The following CDC123 variants were observed in gnomAD, a reference collection of about 807,000 sequenced individuals.
CDC123 encodes the protein translation initiation factor eIF2 assembly protein.
Under a neutral mutation model 54.4 loss-of-function variants are expected in CDC123, and 37 were observed. The ratio of observed to expected loss-of-function variants is 0.68; its 90% CI spans 0.52 to 0.89. The LOEUF is 0.89. Ranked by LOEUF, CDC123 falls within the 40% of genes least tolerant of loss-of-function variation. The pLI is 0.00. For missense variants in CDC123, 361 were observed against 412.1 expected, an observed-to-expected ratio of 0.88 and a Z score of 1.07; for synonymous variants, 144 against 136.8, an observed-to-expected ratio of 1.05 and a Z score of -0.37.
intron 10 of CDC123, among the ~76,000 whole-genome samples, chr10:12,240,050 C>G (rs951254893): frequency 1.3e-5 from 2 of 150,676 alleles, no homozygotes; most frequent in African/African-American, 4.9e-5. Context: ...TTTTAGTCAA[C>G]TAAAAGTGAC....
At chr10:12,226,932 C>G (rs1254834350) in intron 6 of CDC123, among the ~76,000 whole-genome samples, 3 of 151,916 alleles carry the variant, frequency 2.0e-5, no homozygotes, top group East Asian at 3.9e-4. Context: ...TGTAGCGAGC[C>G]GAGATCACAC....
chr10:12,209,983 C>G lies in CDC123; in HGVS notation c.163C>G (p.His55Asp). ...TTTTTTTAGGGATGATCCACCAACACATTCTCAGCCAGACAGTGATGATGA... is the reference window on the plus strand; with the variant it reads ...TTTTTTTAGGGATGATCCACCAACAGATTCTCAGCCAGACAGTGATGATGA... ...VVSGRDDPPTHSQPDSDDEAE... is the reference protein window; with the variant it reads ...VVSGRDDPPTDSQPDSDDEAE... Residue 55 changes from histidine (H) to aspartate (D), a missense_variant, in exon 3 of 13, where the codon CAT becomes GAT. Coordinates refer to ENST00000281141, the MANE Select transcript of CDC123 (RefSeq NM_006023.3). The G allele has an allele frequency of 6.2e-7, 1 of 1,614,176 alleles. No individual in the cohort carries two copies. The highest frequency in any genetic ancestry group is 8.5e-7 in the Non-Finnish European group (1 of 1,180,008).
At chr10:12,210,134 C>T (rs1835577921) in intron 3 of CDC123, 110 bp downstream of exon 3, 37 of 1,442,506 alleles carry the variant, frequency 2.6e-5, no homozygotes, top group Non-Finnish European at 3.2e-5. Flanking sequence ...TGAGAAATTA[C>T]GTGAGAATCT....
chr10:12,226,500 C>T (rs1420107715), intron 6 of CDC123, among the ~76,000 whole-genome samples: 8 of 150,544 alleles, frequency 5.3e-5, no homozygotes, highest in South Asian at 2.1e-4. Context: ...ACTTCTCAGA[C>T]GGGGCGGCCG....
At chr10:12,243,665 T>TC (rs1238860726) in intron 10 of CDC123, among the ~76,000 whole-genome samples, 2 of 151,798 alleles carry the variant, frequency 1.3e-5, no homozygotes, top group Non-Finnish European at 2.9e-5. Context: ...ACGCCTGTAG[T>TC]CCCAGCTACT....
At chr10:12,246,454 T>C in intron 11 of CDC123, 177 bp downstream of exon 11, 1 of 595,346 alleles carries the variant, frequency 1.7e-6, no homozygotes, top group Non-Finnish European at 2.9e-6. Context: ...GGGGCCCCAC[T>C]TAACTTTATA....
At chr10:12,200,121 T>TTTTTTTTTTTTTTTTTTG in intron 2 of CDC123, among the ~76,000 whole-genome samples, 1 of 12,800 alleles carries the variant, frequency 7.8e-5, no homozygotes, top group Non-Finnish European at 1.9e-4. Flanking sequence ...GCACTCGGCA[T>TTTTTTTTTTTTTTTTTTG]TTTTTTTTTT....
At chr10:12,234,983 A>G in intron 7 of CDC123, 65 bp from the exon 8 acceptor site, 1 of 1,188,580 alleles carries the variant, frequency 8.4e-7, no homozygotes, top group Non-Finnish European at 1.2e-6. Flanking sequence ...GTGTTGACCT[A>G]AAATTGCCTA....
chr10:12,249,805 G>C (rs1275662281), intron 12 of CDC123, 87 bp downstream of exon 12: 6 of 1,478,022 alleles, frequency 4.1e-6, no homozygotes, highest in Non-Finnish European at 5.4e-6. Context: ...TTGGAATCCT[G>C]TATCACCTAG....
At chr10:12,229,203 A>G (rs1275588179) in intron 6 of CDC123, among the ~76,000 whole-genome samples, 3 of 152,204 alleles carry the variant, frequency 2.0e-5, no homozygotes, top group East Asian at 1.9e-4. Flanking sequence ...CCATTGTGCC[A>G]TAGTGATATA....
chr10:12,232,995 G>A (rs532167478), intron 7 of CDC123, among the ~76,000 whole-genome samples: 9 of 151,992 alleles, frequency 5.9e-5, no homozygotes, highest in East Asian at 5.8e-4. Flanking sequence ...TCCTGACCTC[G>A]TGATCCGTCC....
At chr10:12,237,314 G>A (rs992229797) in intron 9 of CDC123, 48 bp downstream of exon 9, 2 of 1,430,716 alleles carry the variant, frequency 1.4e-6, no homozygotes, top group Non-Finnish European at 1.8e-6. Context: ...AATATACATT[G>A]TTACTGGACC....
chr10:12,223,810 C>T (rs1313615603), intron 6 of CDC123, among the ~76,000 whole-genome samples: 1 of 151,934 alleles, frequency 6.6e-6, no homozygotes, highest in Non-Finnish European at 1.5e-5. Flanking sequence ...TGAGTAAAGA[C>T]AAGGGATGTG....
intron 10 of CDC123, among the ~76,000 whole-genome samples, chr10:12,238,890 T>C (rs1185230066): frequency 1.3e-5 from 2 of 151,692 alleles, no homozygotes. Flanking sequence ...GGCATGGTGG[T>C]GGGTGCCTGA....
At chr10:12,196,733 A>G (rs1474608545) in intron 1 of CDC123, among the ~76,000 whole-genome samples, 1 of 152,196 alleles carries the variant, frequency 6.6e-6, no homozygotes, top group African/African-American at 2.4e-5. Context: ...AAGTTCACAG[A>G]TATGTCGTAC....
intron 4 of CDC123, among the ~76,000 whole-genome samples, chr10:12,212,388 T>C (rs1173518728): frequency 6.6e-6 from 1 of 152,224 alleles, no homozygotes; most frequent in Non-Finnish European, 1.5e-5. Context: ...TGATGTGACA[T>C]GACAAAAAGA....
intron 4 of CDC123, among the ~76,000 whole-genome samples, chr10:12,212,044 C>CGG (rs1374268561): frequency 6.6e-6 from 1 of 152,018 alleles, no homozygotes; most frequent in Admixed American, 6.6e-5. Context: ...ACCAAGATTG[C>CGG]GCCACTGCAC....
intron 4 of CDC123, among the ~76,000 whole-genome samples, chr10:12,213,177 T>C (rs1463068717): frequency 1.3e-5 from 2 of 152,234 alleles, no homozygotes; most frequent in East Asian, 3.8e-4. Context: ...CTTTTCTAAG[T>C]ATCTTCACCC....
At chr10:12,238,416 A>C in intron 9 of CDC123, 41 bp from the exon 10 acceptor site, 1 of 1,584,638 alleles carries the variant, frequency 6.3e-7, no homozygotes, top group South Asian at 1.2e-5. Flanking sequence ...ACATTGTGAA[A>C]TATTAGTTCA....
Sources: allele counts gnomAD v4.1 joint callset (sites outside exome capture counted in the v4.1 genomes callset), GRCh38; gene constraint gnomAD v4.1.1; transcripts MANE v1.5; gene names NCBI Gene and HGNC (gene_info 2026-07-23, HGNC 2026-07-21).